The following SNX16 variants were observed in gnomAD, a reference collection of about 807,000 sequenced individuals.
SNX16 encodes the protein sorting nexin-16.
Under a neutral mutation model 36.7 loss-of-function variants are expected in SNX16, and 35 were observed. That is an observed-to-expected ratio of 0.95 (90% CI 0.73 to 1.27). SNX16 has a LOEUF of 1.27. Among genes scored for constraint, SNX16 ranks in the 50% most tolerant of loss-of-function variants. SNX16 has a pLI of 0.00. For synonymous variants in SNX16, 134 were observed against 132.0 expected, an observed-to-expected ratio of 1.02 and a Z score of -0.10; for missense variants, 367 against 393.6, an observed-to-expected ratio of 0.93 and a Z score of 0.57.
At chr8:81,822,804 A>G (rs936660034) in intron 4 of SNX16, among the ~76,000 whole-genome samples, 4 of 151,862 alleles carry the variant, frequency 2.6e-5, no homozygotes, top group African/African-American at 9.7e-5. Context: ...GCATATATCA[A>G]TCTGGAGTAG....
chr8:81,802,255 C>A, intron 7 of SNX16, 125 bp downstream of exon 7: 1 of 578,924 alleles, frequency 1.7e-6, no homozygotes, highest in Non-Finnish European at 2.6e-6. Context: ...AATTCATTCT[C>A]TGTTTGCTTA....
chr8:81,835,524 T>C (rs1249449032), intron 2 of SNX16, among the ~76,000 whole-genome samples: 2 of 152,238 alleles, frequency 1.3e-5, no homozygotes, highest in Non-Finnish European at 2.9e-5. Flanking sequence ...TGAATGCCTT[T>C]AGTAGCACCC....
rs201932368 is a variant in SNX16 at position 81,800,009 on chromosome 8, G to C, written c.*1488C>G. Reference sequence around the variant, plus strand: ...GAGAACATACCTGTGCACTTTGACAGACTAAAAATTTTTGGTTATTTGGTA... The same window carrying C: ...GAGAACATACCTGTGCACTTTGACACACTAAAAATTTTTGGTTATTTGGTA... On this transcript the variant is annotated 3_prime_UTR_variant, in exon 8 of 8. Coordinates refer to ENST00000345957, the MANE Select transcript of SNX16 (RefSeq NM_152836.3). 7.5e-6 allele frequency: 1 copy of C among 133,832 alleles called. No individual in the cohort carries two copies. The highest frequency in any genetic ancestry group is 2.8e-5 in the African/African-American group (1 of 35,168). 8.3% of individuals were successfully genotyped at this position (133,832 alleles called of 1,614,324 possible).
At position 81,839,781 on chromosome 8, in the gene SNX16, C is replaced by T. The variant is rs768233266; in HGVS notation, c.206G>A (p.Ser69Asn). Residue 69 changes from serine (S) to asparagine (N), a missense_variant, in exon 2 of 8, where the codon AGC becomes AAC. Coordinates refer to ENST00000345957, the MANE Select transcript of SNX16 (RefSeq NM_152836.3). ...AAATTTAGTCCTAATGAGGGGACTG[C>T]TACAGACAGATGAAGTATTATCCAT... ...DQMDNTSSVC[S>N]SPLIRTKFTG... The T allele has an allele frequency of 6.2e-7, 1 of 1,613,654 alleles. No homozygotes were observed. The highest frequency in any genetic ancestry group is 1.1e-5 in the South Asian group (1 of 91,076).
chr8:81,829,592 T>G (rs1409152851), intron 2 of SNX16, 76 bp from the exon 3 acceptor site: 1 of 554,250 alleles, frequency 1.8e-6, no homozygotes, highest in South Asian at 4.3e-5. Flanking sequence ...CCAAATATTT[T>G]AAAAAATTTT....
intron 2 of SNX16, among the ~76,000 whole-genome samples, chr8:81,831,829 A>T (rs1195715630): frequency 2.0e-5 from 3 of 152,178 alleles, no homozygotes; most frequent in Non-Finnish European, 4.4e-5. Context: ...GCTCAACAAC[A>T]CTACTCATCA....
At position 81,823,894 on chromosome 8, in the gene SNX16, C is replaced by A. The variant is rs1346122344; in HGVS notation, c.509G>T (p.Arg170Leu). The A allele has an allele frequency of 3.7e-6, 6 of 1,611,414 alleles. No individual in the cohort carries two copies. The highest frequency in any genetic ancestry group is 1.7e-5 in the Admixed American group (1 of 59,678). The change falls in exon 4 of 8, where the codon CGC becomes CTC. Residue 170 changes from arginine (R) to leucine (L), a missense_variant. Coordinates refer to ENST00000345957, the MANE Select transcript of SNX16 (RefSeq NM_152836.3). ...AGCATTGTAATTATCTTTAAACCAG[C>A]GTTTTGGAGGAAGTGCTAGTCGAAA... ...PGFRLALPPK[R>L]WFKDNYNADF...
intron 5 of SNX16, chr8:81,815,059 T>C: frequency 5.4e-6 from 1 of 184,878 alleles, no homozygotes; most frequent in Non-Finnish European, 1.1e-5. Context: ...AAATCATTTT[T>C]TTTGAAACAG....
rs144518368 is a variant in SNX16 at position 81,834,576 on chromosome 8, G to A, written c.375+5036C>T. Among the ~76,000 whole-genome samples the A allele has an allele frequency of 4.0e-3, 602 of 152,304 alleles. 12 individuals carry two copies. Among genetic ancestry groups the A allele is most frequent in the Admixed American group, 0.03 (453 of 15,304 alleles). ...CTTACTAGATACAATGAGGGTACAG[G>A]CATTGGGTAAATACAAGCATCCCAA... On this transcript the variant is annotated intron_variant, in intron 2 of 7. Coordinates refer to ENST00000345957, the MANE Select transcript of SNX16 (RefSeq NM_152836.3).
intron 5 of SNX16, among the ~76,000 whole-genome samples, chr8:81,807,271 C>T (rs1283249192): frequency 6.6e-6 from 1 of 151,894 alleles, no homozygotes; most frequent in African/African-American, 2.4e-5. Flanking sequence ...GTAATCCCAG[C>T]ACTTTGGGAG....
chr8:81,806,734 G>T (rs149096535), intron 5 of SNX16, among the ~76,000 whole-genome samples: 1 of 151,996 alleles, frequency 6.6e-6, no homozygotes, highest in Admixed American at 6.6e-5. Context: ...AAAACACATT[G>T]TTAATATTGC....
Position 81,802,516 on chromosome 8 carries a change from G to A in SNX16, c.819-17C>T. On this transcript the variant is annotated splice_polypyrimidine_tract_variant and intron_variant, in intron 6 of 7. Coordinates refer to ENST00000345957, the MANE Select transcript of SNX16 (RefSeq NM_152836.3). ...GACAATGTTCTAAAAGTATGTTATA[G>A]CAACAAGTTATTTTCTATGAACAAA... is the stretch of plus-strand genomic sequence containing the variant. The A allele has an allele frequency of 6.3e-7, 1 of 1,593,060 alleles. No homozygotes were observed. The highest frequency in any genetic ancestry group is 1.8e-5 in the Admixed American group (1 of 56,688).
intron 5 of SNX16, among the ~76,000 whole-genome samples, chr8:81,810,066 T>C (rs971430181): frequency 6.6e-6 from 1 of 152,164 alleles, no homozygotes; most frequent in Non-Finnish European, 1.5e-5. Flanking sequence ...AGGTAGAGAA[T>C]AGATGGCTTA....
chr8:81,836,926 CT>C (rs1265085959), intron 2 of SNX16, among the ~76,000 whole-genome samples: 2 of 152,184 alleles, frequency 1.3e-5, no homozygotes, highest in African/African-American at 4.8e-5. Context: ...ACTTCCCTGC[CT>C]GTCATCTCAT....
At chr8:81,839,493 T>C (rs1811638577) in intron 2 of SNX16, 119 bp downstream of exon 2, 2 of 1,087,682 alleles carry the variant, frequency 1.8e-6, no homozygotes, top group Non-Finnish European at 2.6e-6. Context: ...TAAAAACCAT[T>C]AGAATTTCAT....
In SNX16 at chr8:81,801,598, A is replaced by C. The variant is rs1328693379; in HGVS notation, c.939-5T>G. ...AAGCATGGTTTATTATCAGCTCTGC[A>C]AAAAAAAAAAAAAAAGGAACATATC... On this transcript the variant is annotated splice_region_variant and splice_polypyrimidine_tract_variant and intron_variant, in intron 7 of 7. Transcript: ENST00000345957. 9.6e-6 allele frequency: 3 copies of C among 313,308 alleles called. No individual in the cohort carries two copies. Among genetic ancestry groups the C allele is most frequent in the South Asian group, 4.8e-5 (1 of 20,820 alleles). 19.4% of individuals were successfully genotyped at this position (313,308 alleles called of 1,614,324 possible).
intron 5 of SNX16, among the ~76,000 whole-genome samples, chr8:81,804,982 G>A (rs931614691): frequency 1.9e-4 from 29 of 151,784 alleles, no homozygotes; most frequent in African/African-American, 6.7e-4. Context: ...ACAAAAAAAT[G>A]AGTTAAGATT....
chr8:81,808,785 C>G (rs1810091839), intron 5 of SNX16: 3 of 866,932 alleles, frequency 3.5e-6, no homozygotes, highest in African/African-American at 3.3e-5. Flanking sequence ...AACAGGGAAG[C>G]TACAGGTAAC....
chr8:81,808,228 T>G, intron 5 of SNX16: 1 of 1,290,164 alleles, frequency 7.8e-7, no homozygotes, highest in Non-Finnish European at 1.1e-6. Flanking sequence ...CTTTGTAACC[T>G]TTCACGACCA....
Sources: allele counts gnomAD v4.1 joint callset (sites outside exome capture counted in the v4.1 genomes callset), GRCh38; gene constraint gnomAD v4.1.1; transcripts MANE v1.5; gene names NCBI Gene and HGNC (gene_info 2026-07-23, HGNC 2026-07-21).